HNRNPK: variants seen among roughly 807,000 people sequenced by gnomAD.
HNRNPK encodes dC-stretch binding protein.
Under a neutral mutation model 67.0 loss-of-function variants are expected in HNRNPK, and 7 were observed. That is an observed-to-expected ratio of 0.10 (90% CI 0.06 to 0.20). HNRNPK has a LOEUF of 0.20. Among genes scored for constraint, HNRNPK ranks in the 10% least tolerant of loss-of-function variants. The pLI, the probability that HNRNPK is intolerant of heterozygous loss-of-function variation, is 1.00. For missense variants in HNRNPK, 264 were observed against 606.5 expected, an observed-to-expected ratio of 0.44 and a Z score of 5.93; for synonymous variants, 213 against 193.7, an observed-to-expected ratio of 1.10 and a Z score of -0.83.
Position 83,969,677 on chromosome 9 carries a change from T to C in HNRNPK, c.1362-237A>G, listed in dbSNP as rs965099373. 4 of 609,966 alleles carry C rather than the reference T, an allele frequency of 6.6e-6. No homozygotes were observed. In the African/African-American group the frequency reaches 7.4e-5, roughly 11 times the overall value. The allele number at this position is 609,966 out of a possible 1,614,324, so 37.8% of individuals were successfully genotyped here. A position where few individuals can be genotyped will look rare whatever the true frequency, so the allele number is the denominator to read the frequency against. ...AGAAAACGGAATTGAAAGTTGTTAA[T>C]ATTTGGTAGAAAAGACAAAGAATGC... is the stretch of plus-strand genomic sequence containing the variant. On this transcript the variant is annotated intron_variant, in intron 16 of 16. Coordinates refer to ENST00000376263, the MANE Select transcript of HNRNPK (RefSeq NM_031263.4).
intron 7 of HNRNPK, 130 bp downstream of exon 7, chr9:83,974,387 G>A: frequency 2.2e-6 from 1 of 465,086 alleles, no homozygotes; most frequent in Non-Finnish European, 3.8e-6. Flanking sequence ...AAATTATGTA[G>A]CAGGTTAAGA....
rs138398623 is a variant in HNRNPK, at chr9:83,970,950, C to T, written c.1093-38G>A. The T allele has an allele frequency of 3.3e-4, 524 of 1,596,966 alleles. 1 individual carries two copies. Among genetic ancestry groups the T allele is most frequent in the Non-Finnish European group, 4.2e-4 (488 of 1,165,288 alleles). On this transcript the variant is annotated intron_variant, in intron 13 of 16. Coordinates refer to ENST00000376263, the MANE Select transcript of HNRNPK (RefSeq NM_031263.4). ...AGAAAAAAATAGAAAATTACTTTGC[C>T]GTTGTAATTACTACCGGTACTTTAA...
intron 6 of HNRNPK, among the ~76,000 whole-genome samples, chr9:83,975,198 G>A (rs1288064002): frequency 1.3e-5 from 2 of 152,138 alleles, no homozygotes; most frequent in Non-Finnish European, 2.9e-5. Context: ...AGACTATTTT[G>A]GTAACAATTT....
rs757149112 is a variant in HNRNPK, at chr9:83,972,174, G to A, written c.661C>T (p.Arg221Cys). ...DLISESPIKG[R>C]AQPYDPNFYD... ...AAATTGGGATCATAAGGCTGTGCAC[G>A]TCCTTTGATGGGAGACTAAAAACAG... is the stretch of plus-strand genomic sequence containing the variant. The change falls in exon 11 of 17, where the codon CGT becomes TGT. Residue 221 changes from arginine to cysteine, a missense_variant. By Grantham distance (180) the Arg-to-Cys change is radical (BLOSUM62 -3). Transcript: ENST00000376263. The A allele has an allele frequency of 1.3e-6, 2 of 1,599,696 alleles. No individual in the cohort carries two copies. The highest frequency in any genetic ancestry group is 1.1e-5 in the South Asian group (1 of 89,464).
chr9:83,979,677 C>T (rs995082619), intron 1 of HNRNPK, among the ~76,000 whole-genome samples: 1 of 152,176 alleles, frequency 6.6e-6, no homozygotes, highest in Non-Finnish European at 1.5e-5. Flanking sequence ...AGCCGAGCGC[C>T]GACCCCCTCC....
intron 1 of HNRNPK, among the ~76,000 whole-genome samples, chr9:83,979,134 G>A (rs971381709): frequency 6.6e-6 from 1 of 152,120 alleles, no homozygotes; most frequent in African/African-American, 2.4e-5. Flanking sequence ...TGCCAAAACG[G>A]TCGATAGGAC....
chr9:83,978,120 A>G (rs998025060), intron 3 of HNRNPK, 75 bp downstream of exon 3: 2 of 942,782 alleles, frequency 2.1e-6, no homozygotes, highest in African/African-American at 1.6e-5. Flanking sequence ...CACACTCCTA[A>G]GGCAATAATT....
At chr9:83,976,270 CAA>C (rs1957059858) in intron 5 of HNRNPK, among the ~76,000 whole-genome samples, 2 of 152,102 alleles carry the variant, frequency 1.3e-5, no homozygotes, top group African/African-American at 2.4e-5. Context: ...GTACTCGACA[CAA>C]AGTTATTTGC....
intron 12 of HNRNPK, 152 bp from the exon 13 acceptor site, chr9:83,971,508 T>C: frequency 1.2e-6 from 1 of 810,472 alleles, no homozygotes. Context: ...CTCAATAAAG[T>C]CGTAATCCTC....
chr9:83,977,947 AAC>A (rs1957145730), intron 3 of HNRNPK, among the ~76,000 whole-genome samples, 161 bp from the exon 4 acceptor site: 1 of 152,240 alleles, frequency 6.6e-6, no homozygotes, highest in Non-Finnish European at 1.5e-5. Flanking sequence ...AAATGCACCA[AAC>A]ACAAAATACT....
chr9:83,976,950 T>C (rs113924602), intron 5 of HNRNPK, 45 bp downstream of exon 5: 15 of 1,138,064 alleles, frequency 1.3e-5, no homozygotes, highest in Non-Finnish European at 1.8e-5. Context: ...TATAGACATA[T>C]AAACTGAAGC....
chr9:83,969,125 A>T lies in HNRNPK; in HGVS notation c.*282T>A. ...AACCACCAACAATAACGAAAAATAA[A>T]ATCCACTCACTCTGCTGCTGTTTCA... is the stretch of plus-strand genomic sequence containing the variant. On this transcript the variant is annotated 3_prime_UTR_variant, in exon 17 of 17. Transcript: ENST00000376263. 1 of 508,212 alleles carries T rather than the reference A, an allele frequency of 2.0e-6. No individual in the cohort carries two copies. The highest frequency in any genetic ancestry group is 3.1e-5 in the East Asian group (1 of 32,052). The allele number at this position is 508,212 out of a possible 1,614,324, so 31.5% of individuals were successfully genotyped here.
intron 11 of HNRNPK, 33 bp downstream of exon 11, chr9:83,971,849 G>A (rs762252496): frequency 1.3e-6 from 2 of 1,559,408 alleles, no homozygotes; most frequent in South Asian, 1.2e-5. Flanking sequence ...GATGGGGGAA[G>A]AAAAAACAAC....
At chr9:83,977,483 G>A (rs1187791492) in intron 4 of HNRNPK, among the ~76,000 whole-genome samples, 1 of 152,190 alleles carries the variant, frequency 6.6e-6, no homozygotes, top group Admixed American at 6.5e-5. Flanking sequence ...AGTTTGACCT[G>A]TAGTGGCGGT....
At position 83,974,334 on chromosome 9, in the gene HNRNPK, TG is replaced by T. The variant is rs146773766; in HGVS notation, c.330+182del. Among the ~76,000 whole-genome samples, 18 of 140,882 alleles carry T rather than the reference TG, an allele frequency of 1.3e-4. No homozygotes were observed. In the South Asian group the frequency reaches 2.0e-3, roughly 16 times the overall value. The allele number at this position is 140,882 out of a possible 152,430, so 92.4% of individuals were successfully genotyped here. A position where few individuals can be genotyped will look rare whatever the true frequency, so the allele number is the denominator to read the frequency against. ...ACATTTACTCCAGGAGTGGCCAGCC[TG>T]TTTTTTTTTTTAAAAAAAAAAAAAC... On this transcript the variant is annotated intron_variant, in intron 7 of 16. Coordinates refer to ENST00000376263, the MANE Select transcript of HNRNPK (RefSeq NM_031263.4).
chr9:83,975,049 AAAC>A (rs1157498720), intron 6 of HNRNPK, among the ~76,000 whole-genome samples: 1 of 152,222 alleles, frequency 6.6e-6, no homozygotes, highest in African/African-American at 2.4e-5. Flanking sequence ...CTCTGCAAGA[AAAC>A]AAATACAAAT....
In HNRNPK at chr9:83,971,874, C is replaced by A. The variant is rs1197279300; in HGVS notation, c.953+8G>T. ...GAAAAAACAACAACAACAAAAAAAA[C>A]AACTTACCCCCCTCTAGGTGGTGGT... On this transcript the variant is annotated splice_region_variant and intron_variant, in intron 11 of 16. Coordinates refer to ENST00000376263, the MANE Select transcript of HNRNPK (RefSeq NM_031263.4). 2.6e-6 allele frequency: 4 copies of A among 1,552,828 alleles called. No individual in the cohort carries two copies. The highest frequency in any genetic ancestry group is 2.8e-5 in the African/African-American group (2 of 72,310).
At chr9:83,970,640 GTA>G in intron 15 of HNRNPK, 95 bp downstream of exon 15, 1 of 859,948 alleles carries the variant, frequency 1.2e-6, no homozygotes, top group Non-Finnish European at 1.9e-6. Flanking sequence ...TCCTAAATGT[GTA>G]TTTTTGTTAA....
intron 13 of HNRNPK, 159 bp downstream of exon 13, chr9:83,971,114 T>TC: frequency 1.3e-6 from 1 of 742,436 alleles, no homozygotes; most frequent in East Asian, 2.5e-5. Context: ...GCTTCACTAT[T>TC]CAAGTATTTT....
Sources: gnomAD v4.1 joint callset for allele counts (sites outside exome capture counted in the v4.1 genomes callset) on GRCh38, gnomAD v4.1.1 for gene constraint, MANE v1.5 for transcripts, NCBI Gene and HGNC (gene_info 2026-07-23, HGNC 2026-07-21) for gene names.